PLCL1: variants seen among roughly 807,000 people sequenced by gnomAD.
The protein encoded by PLCL1 is phospholipase C like 1 (inactive).
PLCL1 carries 41 observed loss-of-function variants against 84.4 expected under a neutral mutation model. The ratio of observed to expected loss-of-function variants is 0.49; its 90% CI spans 0.38 to 0.63. The LOEUF (loss-of-function observed/expected upper bound fraction) is 0.63, where lower values mean the gene tolerates loss of function less well. Among genes scored for constraint, PLCL1 ranks in the 30% least tolerant of loss-of-function variants. The pLI is 0.00. For synonymous variants in PLCL1, 490 were observed against 488.3 expected, an observed-to-expected ratio of 1.00 and a Z score of -0.05; for missense variants, 1,206 against 1,367.8, an observed-to-expected ratio of 0.88 and a Z score of 1.87.
chr2:198,041,743 G>A (rs1481957221), intron 1 of PLCL1, among the ~76,000 whole-genome samples: 1 of 152,158 alleles, frequency 6.6e-6, no homozygotes, highest in Non-Finnish European at 1.5e-5. Context: ...ATGTGTCATT[G>A]AATAGGTCGG....
At chr2:198,064,401 AT>A (rs1692277138) in intron 1 of PLCL1, among the ~76,000 whole-genome samples, 1 of 152,124 alleles carries the variant, frequency 6.6e-6, no homozygotes, top group Admixed American at 6.5e-5. Flanking sequence ...AAAAATCTTC[AT>A]TTCTATCCTG....
At chr2:197,994,951 A>C (rs1171055896) in intron 1 of PLCL1, among the ~76,000 whole-genome samples, 1 of 152,178 alleles carries the variant, frequency 6.6e-6, no homozygotes, top group African/African-American at 2.4e-5. Context: ...ATGCAGAAGC[A>C]AGGGATTAAG....
intron 1 of PLCL1, among the ~76,000 whole-genome samples, chr2:198,050,369 G>A (rs1331856464): frequency 1.3e-5 from 2 of 151,992 alleles, no homozygotes. Flanking sequence ...GATACTTGAG[G>A]ATCCTTTATC....
intron 1 of PLCL1, among the ~76,000 whole-genome samples, chr2:198,034,183 C>G (rs918184294): frequency 6.6e-6 from 1 of 151,972 alleles, no homozygotes; most frequent in African/African-American, 2.4e-5. Context: ...TGTGATGTCC[C>G]CCTTCCTGTG....
intron 1 of PLCL1, among the ~76,000 whole-genome samples, chr2:197,962,262 T>G (rs1046573995): frequency 6.6e-6 from 1 of 152,028 alleles, no homozygotes; most frequent in African/African-American, 2.4e-5. Flanking sequence ...GAGTCACCAC[T>G]TGCAGTTTGG....
intron 1 of PLCL1, among the ~76,000 whole-genome samples, chr2:198,018,760 C>G (rs948732580): frequency 6.6e-5 from 10 of 152,200 alleles, no homozygotes; most frequent in South Asian, 4.1e-4. Context: ...ACTCCCATCT[C>G]CCTGGGACAG....
rs143997055 is a variant in PLCL1, at chr2:197,864,737, G to A, written c.240+59398G>A. On this transcript the variant is annotated intron_variant, in intron 1 of 5. Transcript: ENST00000428675. ...CTTCTGCCTGCCTTGGCCTCCCAAA[G>A]TACTGGGATTACAGGCATGAACACT... Among the ~76,000 whole-genome samples the A allele has an allele frequency of 7.2e-3, 1,102 of 152,202 alleles. 6 individuals are homozygous for A. Among genetic ancestry groups the A allele is most frequent in the Non-Finnish European group, 0.011 (764 of 67,992 alleles).
intron 1 of PLCL1, among the ~76,000 whole-genome samples, chr2:197,897,091 T>C (rs1030487347): frequency 6.6e-6 from 1 of 152,042 alleles, no homozygotes; most frequent in African/African-American, 2.4e-5. Flanking sequence ...GGGATAGAAG[T>C]ATGACTCCTT....
At chr2:197,882,577 T>C (rs1415186393) in intron 1 of PLCL1, among the ~76,000 whole-genome samples, 1 of 152,216 alleles carries the variant, frequency 6.6e-6, no homozygotes, top group African/African-American at 2.4e-5. Flanking sequence ...CTGAATTATG[T>C]GTAATATATT....
Position 198,147,843 on chromosome 2 carries a change from A to AT in PLCL1, c.*885dup, listed in dbSNP as rs1694563105. The stretch of plus-strand genomic sequence containing the variant: ...CTTCCAAGCTGAGAGTCTAGCACTC[A>AT]TTTTCTATAACAGATATGGCAGCTT... On this transcript the variant is annotated 3_prime_UTR_variant, in exon 6 of 6. Transcript: ENST00000428675. 6.6e-6 allele frequency: 1 copy of AT among 152,282 alleles called. No homozygotes were observed. Among genetic ancestry groups the AT allele is most frequent in the Admixed American group, 6.5e-5 (1 of 15,276 alleles). 9.4% of individuals were successfully genotyped at this position (152,282 alleles called of 1,614,324 possible).
intron 1 of PLCL1, among the ~76,000 whole-genome samples, chr2:198,026,121 A>C (rs1351797272): frequency 6.6e-6 from 1 of 152,180 alleles, no homozygotes; most frequent in Admixed American, 6.6e-5. Flanking sequence ...TGGTGTATGC[A>C]TTGGTCTCAT....
At chr2:197,819,885 T>C (rs946008433) in intron 1 of PLCL1, among the ~76,000 whole-genome samples, 1 of 67,726 alleles carries the variant, frequency 1.5e-5, no homozygotes, top group African/African-American at 8.4e-5. Flanking sequence ...CTATTATGCA[T>C]GTGTGTGTGT....
intron 1 of PLCL1, among the ~76,000 whole-genome samples, chr2:197,878,085 G>A (rs1687770345): frequency 6.6e-6 from 1 of 152,240 alleles, no homozygotes; most frequent in African/African-American, 2.4e-5. Context: ...CTATATTTCT[G>A]GGAATGCAAT....
chr2:197,950,190 C>T (rs1399016477), intron 1 of PLCL1, among the ~76,000 whole-genome samples: 2 of 152,162 alleles, frequency 1.3e-5, no homozygotes, highest in Non-Finnish European at 2.9e-5. Flanking sequence ...TAAACCCGTG[C>T]TTCTGACTCA....
chr2:198,148,498 A>G lies in PLCL1; in HGVS notation c.*1536A>G, dbSNP rs1694579535. Reference sequence around the variant, plus strand: ...ATATCTTAAAGAGTTTGCTATTTCCATGGACCAGATATGATGAAATTATTC... The same window carrying G: ...ATATCTTAAAGAGTTTGCTATTTCCGTGGACCAGATATGATGAAATTATTC... On this transcript the variant is annotated 3_prime_UTR_variant, in exon 6 of 6. Coordinates refer to ENST00000428675, the MANE Select transcript of PLCL1 (RefSeq NM_006226.4). The G allele has an allele frequency of 6.6e-6, 1 of 152,340 alleles. No homozygotes were observed. The highest frequency in any genetic ancestry group is 1.9e-4 in the East Asian group (1 of 5,326). 9.4% of individuals were successfully genotyped at this position (152,340 alleles called of 1,614,324 possible).
intron 1 of PLCL1, among the ~76,000 whole-genome samples, chr2:197,897,796 T>A (rs1483878826): frequency 6.6e-6 from 1 of 152,212 alleles, no homozygotes; most frequent in Non-Finnish European, 1.5e-5. Flanking sequence ...ATGAGAATTT[T>A]CACATATGTC....
intron 1 of PLCL1, among the ~76,000 whole-genome samples, chr2:197,843,183 C>A (rs1687044994): frequency 6.6e-6 from 1 of 152,112 alleles, no homozygotes; most frequent in East Asian, 1.9e-4. Context: ...TTCTGATGCT[C>A]AAAACCAGGT....
intron 1 of PLCL1, among the ~76,000 whole-genome samples, chr2:197,934,952 C>G (rs1306634898): frequency 6.6e-6 from 1 of 152,042 alleles, no homozygotes. Flanking sequence ...ACAAACAACT[C>G]CATTAGAAAG....
At chr2:198,134,492 T>C (rs1444223276) in intron 5 of PLCL1, among the ~76,000 whole-genome samples, 1 of 152,158 alleles carries the variant, frequency 6.6e-6, no homozygotes, top group Non-Finnish European at 1.5e-5. Context: ...AATATCTTGC[T>C]AATAACTCTT....
Sources: gnomAD v4.1 joint callset for allele counts (sites outside exome capture counted in the v4.1 genomes callset) on GRCh38, gnomAD v4.1.1 for gene constraint, MANE v1.5 for transcripts, NCBI Gene and HGNC (gene_info 2026-07-23, HGNC 2026-07-21) for gene names.